The following SNAPC2 variants were observed in gnomAD, a reference collection of about 807,000 sequenced individuals.
SNAPC2 encodes snRNA-activating protein complex subunit 2.
A neutral mutation model predicts 22.9 loss-of-function variants in SNAPC2; 27 were observed. The ratio of observed to expected loss-of-function variants is 1.18; its 90% CI spans 0.87 to 1.63. The LOEUF (loss-of-function observed/expected upper bound fraction) is 1.63. SNAPC2 is among the 40% of genes most tolerant of loss of function. The pLI is 0.00. For synonymous variants in SNAPC2, 272 were observed against 201.0 expected (o/e 1.35, Z -2.99); for missense variants, 570 against 449.1 (o/e 1.27, Z -2.43).
rs370555599 is a variant in SNAPC2 at position 7,922,449 on chromosome 19, C to T, written c.690C>T (p.Ser230=). 40 of 1,586,236 alleles carry T rather than the reference C, an allele frequency of 2.5e-5. No individual in the cohort carries two copies. The highest frequency in any genetic ancestry group is 1.4e-4 in the Admixed American group (8 of 57,896). Residue 230 remains serine (S), a synonymous_variant, in exon 5 of 5, where the codon TCC becomes TCT. Transcript: ENST00000221573. ...CTCTCCTCCATCCATCACTAGAGTCCGCTGTGGTCCTCGACCTGCTCATGT... is the reference window on the plus strand; with the variant it reads ...CTCTCCTCCATCCATCACTAGAGTCTGCTGTGGTCCTCGACCTGCTCATGT... ...GRSPELSAAE[S]AVVLDLLMSL...
Position 7,922,366 on chromosome 19 carries a change from G to A in SNAPC2, c.685+19G>A. 1 of 1,608,220 alleles carries A rather than the reference G, an allele frequency of 6.2e-7. No homozygotes were observed. Among genetic ancestry groups the A allele is most frequent in the South Asian group, 1.1e-5 (1 of 90,280 alleles). On this transcript the variant is annotated intron_variant, in intron 4 of 4. Coordinates refer to ENST00000221573, the MANE Select transcript of SNAPC2 (RefSeq NM_003083.4). ...GCAGCTGGTGAGAAGGGTGAGGGAG[G>A]GGGCAGGAGCAGAGGGATCAAGGGT...
Position 7,922,321 on chromosome 19 carries a change from G to A in SNAPC2, c.659G>A (p.Gly220Asp). The A allele has an allele frequency of 6.2e-7, 1 of 1,613,732 alleles. No individual in the cohort carries two copies. Among genetic ancestry groups the A allele is most frequent in the South Asian group, 1.1e-5 (1 of 91,080 alleles). The change falls in exon 4 of 5, where the codon GGC becomes GAC. Residue 220 changes from glycine (G) to aspartate (D), a missense_variant. By Grantham distance (94) the Gly-to-Asp change is moderately conservative. Coordinates refer to ENST00000221573, the MANE Select transcript of SNAPC2 (RefSeq NM_003083.4). ...YKYLSSVSRS[G>D]RSPELSAAES... ...TACTTGTCCTCTGTCTCCCGAAGTGGCCGCAGCCCCGAGCTCTCAGCAGCT... is the reference window on the plus strand; with the variant it reads ...TACTTGTCCTCTGTCTCCCGAAGTGACCGCAGCCCCGAGCTCTCAGCAGCT...
chr19:7,922,462 G>C lies in SNAPC2; in HGVS notation c.703G>C (p.Asp235His). 1 of 1,592,580 alleles carries C rather than the reference G, an allele frequency of 6.3e-7. No homozygotes were observed. The highest frequency in any genetic ancestry group is 8.6e-7 in the Non-Finnish European group (1 of 1,166,714). ...ATCACTAGAGTCCGCTGTGGTCCTC[G>C]ACCTGCTCATGTCACTTCCAGAGGA... ...LSAAESAVVLDLLMSLPEELP... is the reference protein window; with the variant it reads ...LSAAESAVVLHLLMSLPEELP... Residue 235 changes from aspartate (D) to histidine (H), a missense_variant, in exon 5 of 5, where the codon GAC becomes CAC. By Grantham distance (81) the Asp-to-His change is moderately conservative. Transcript: ENST00000221573.
intron 1 of SNAPC2, chr19:7,921,076 G>A (rs546758836): frequency 6.7e-6 from 8 of 1,186,354 alleles, no homozygotes; most frequent in African/African-American, 3.2e-5. Context: ...TGCCGAGTCC[G>A]GGCGAAAAGC....
Position 7,920,549 on chromosome 19 carries a change from G to A in SNAPC2, c.183G>A (p.Glu61=), listed in dbSNP as rs1983527763. The change falls in exon 1 of 5, where the codon GAG becomes GAA. Residue 61 remains glutamate, a splice_region_variant and synonymous_variant. Coordinates refer to ENST00000221573, the MANE Select transcript of SNAPC2 (RefSeq NM_003083.4). ...ARELRGRSEA[E]IRVFLQQLKG... ...AGCTGCGGGGCCGGAGCGAGGCTGA[G>A]GTGAGATGCGGTTCTCGGGACCGGA... 3 of 1,376,280 alleles carry A rather than the reference G, an allele frequency of 2.2e-6. No individual in the cohort carries two copies. Among genetic ancestry groups the A allele is most frequent in the African/African-American group, 3.1e-5 (2 of 65,060 alleles). 85.3% of individuals were successfully genotyped at this position (1,376,280 alleles called of 1,614,324 possible). A position where few individuals can be genotyped will look rare whatever the true frequency, so the allele number is the denominator to read the frequency against.
Position 7,922,292 on chromosome 19 carries a change from C to G in SNAPC2, c.630C>G (p.Tyr210Ter). The G allele has an allele frequency of 6.2e-7, 1 of 1,614,010 alleles. No individual in the cohort carries two copies. Among genetic ancestry groups the G allele is most frequent in the Non-Finnish European group, 8.5e-7 (1 of 1,180,006 alleles). The change falls in exon 4 of 5, where the codon TAC (tyrosine) becomes TAG (stop). Residue 210 changes from tyrosine (Y) to a stop codon, truncating the protein, a stop_gained. Transcript: ENST00000221573. LOFTEE classifies it high-confidence loss of function. ...TTGCTGTGGACTTTGAGAAGATCTA[C>G]AAGTACTTGTCCTCTGTCTCCCGAA... ...EDFAVDFEKI[Y>*]KYLSSVSRSG... is the part of the protein sequence containing the mutation.
At chr19:7,920,661 AGC>A in intron 1 of SNAPC2, 112 bp downstream of exon 1, 2 of 348,738 alleles carry the variant, frequency 5.7e-6, no homozygotes, top group South Asian at 9.2e-5. Context: ...AATGTAAGCG[AGC>A]GGGGGCGTGG....
In SNAPC2 at chr19:7,921,529, C is replaced by T; in HGVS notation, c.290C>T (p.Pro97Leu). The change falls in exon 2 of 5, where the codon CCA becomes CTA. Residue 97 changes from proline to leucine, a missense_variant. Transcript: ENST00000221573. The stretch of plus-strand genomic sequence containing the variant: ...CCAAGGCGCCGGGAGGCACAGCCCC[C>T]AGCCCCCATAGAGGTGAGGCAGATG... Reference protein sequence around the residue: ...QGPRRREAQPPAPIEVWTDLA... With the variant: ...QGPRRREAQPLAPIEVWTDLA... 6.2e-7 allele frequency: 1 copy of T among 1,613,000 alleles called. No homozygotes were observed. Among genetic ancestry groups the T allele is most frequent in the Non-Finnish European group, 8.5e-7 (1 of 1,179,452 alleles).
Position 7,922,665 on chromosome 19 carries a change from C to G in SNAPC2, c.906C>G (p.Ser302Arg). 1 of 1,613,608 alleles carries G rather than the reference C, an allele frequency of 6.2e-7. No individual in the cohort carries two copies. Among genetic ancestry groups the G allele is most frequent in the African/African-American group, 1.3e-5 (1 of 75,028 alleles). The change falls in exon 5 of 5, where the codon AGC becomes AGG. Residue 302 changes from serine (S) to arginine (R), a missense_variant. Physicochemically the swap from Ser to Arg is moderately radical, Grantham distance 110. Coordinates refer to ENST00000221573, the MANE Select transcript of SNAPC2 (RefSeq NM_003083.4). ...CAGCCACCGAGAAGGCCGAGCACAG[C>G]GAACTGAAATCGCCTTGGCAAGCAG... is the stretch of plus-strand genomic sequence containing the variant. Reference protein sequence around the residue: ...TPPATEKAEHSELKSPWQAAG... With the variant: ...TPPATEKAEHRELKSPWQAAG...
rs201818402 is a variant in SNAPC2 at position 7,922,626 on chromosome 19, A to G, written c.867A>G (p.Pro289=). The change falls in exon 5 of 5, where the codon CCA becomes CCG. Residue 289 remains proline, a synonymous_variant. Transcript: ENST00000221573. ...GGGATGGGGCTGGCTCCAAGGCACC[A>G]GAGGAGACCCCCCCAGCCACCGAGA... The part of the protein sequence containing the change: ...AEGDGAGSKA[P]EETPPATEKA... 2 of 1,611,022 alleles carry G rather than the reference A, an allele frequency of 1.2e-6. No homozygotes were observed. The highest frequency in any genetic ancestry group is 3.3e-5 in the Admixed American group (2 of 59,760).
intron 1 of SNAPC2, 159 bp from the exon 2 acceptor site, chr19:7,921,264 G>C: frequency 7.0e-7 from 1 of 1,434,048 alleles, no homozygotes; most frequent in Non-Finnish European, 9.4e-7. Context: ...CTCTGGGTGG[G>C]GTAGGGGCCT....
intron 2 of SNAPC2, 29 bp from the exon 3 acceptor site, chr19:7,921,676 G>C (rs368642880): frequency 1.9e-6 from 3 of 1,612,524 alleles, no homozygotes; most frequent in Non-Finnish European, 2.5e-6. Context: ...TGATCCCTGG[G>C]CTGACCCTGT....
rs181191356 is a variant in SNAPC2, at chr19:7,923,095, G to T, written c.*331G>T. 8.9e-4 allele frequency: 277 copies of T among 312,944 alleles called. No individual in the cohort carries two copies. The highest frequency in any genetic ancestry group is 5.2e-3 in the African/African-American group (243 of 46,538). The allele number at this position is 312,944 out of a possible 1,614,324, so 19.4% of individuals were successfully genotyped here. A position where few individuals can be genotyped will look rare whatever the true frequency, so the allele number is the denominator to read the frequency against. The stretch of plus-strand genomic sequence containing the variant: ...CATAGCTGGCACTGCCCACCGTAAA[G>T]GCCCTCGCACATTTTCCCCCTTCCT... On this transcript the variant is annotated 3_prime_UTR_variant, in exon 5 of 5. Coordinates refer to ENST00000221573, the MANE Select transcript of SNAPC2 (RefSeq NM_003083.4).
At chr19:7,921,253 G>A in intron 1 of SNAPC2, 170 bp from the exon 2 acceptor site, 1 of 1,412,856 alleles carries the variant, frequency 7.1e-7, no homozygotes, top group Non-Finnish European at 9.4e-7. Flanking sequence ...AGCTGGTCAC[G>A]CTCTGGGTGG....
rs761191300 is a variant in SNAPC2, at chr19:7,922,461, C to T, written c.702C>T (p.Leu234=). Reference sequence around the variant, plus strand: ...CATCACTAGAGTCCGCTGTGGTCCTCGACCTGCTCATGTCACTTCCAGAGG... The same window carrying T: ...CATCACTAGAGTCCGCTGTGGTCCTTGACCTGCTCATGTCACTTCCAGAGG... The part of the protein sequence containing the change: ...ELSAAESAVV[L]DLLMSLPEEL... The change falls in exon 5 of 5, where the codon CTC becomes CTT. Residue 234 remains leucine, a synonymous_variant. Transcript: ENST00000221573. 23 of 1,591,490 alleles carry T rather than the reference C, an allele frequency of 1.4e-5. No individual in the cohort carries two copies. The highest frequency in any genetic ancestry group is 6.7e-5 in the East Asian group (3 of 44,564).
At position 7,922,736 on chromosome 19, in the gene SNAPC2, T is replaced by C. The variant is rs903591431; in HGVS notation, c.977T>C (p.Leu326Pro). ...CCGTTCCTGGTGCCCCTGGAGCTTC[T>C]GGGTCGGGCAGCCACCCCTGCCAGG... ...LNPFLVPLEL[L>P]GRAATPAR Residue 326 changes from leucine (L) to proline (P), a missense_variant, in exon 5 of 5, where the codon CTG becomes CCG. Leu to Pro is a moderately conservative substitution (Grantham distance 98). Transcript: ENST00000221573. 5 of 1,595,030 alleles carry C rather than the reference T, an allele frequency of 3.1e-6. No homozygotes were observed. The highest frequency in any genetic ancestry group is 4.3e-6 in the Non-Finnish European group (5 of 1,166,512).
At chr19:7,921,656 C>T (rs768570840) in intron 2 of SNAPC2, 49 bp from the exon 3 acceptor site, 3 of 1,608,732 alleles carry the variant, frequency 1.9e-6, no homozygotes, top group South Asian at 1.1e-5. Context: ...CTTGGGGGGC[C>T]ATTGCAGGCT....
chr19:7,921,683 C>T (rs754309207), intron 2 of SNAPC2, 22 bp from the exon 3 acceptor site: 4 of 1,613,004 alleles, frequency 2.5e-6, no homozygotes, highest in South Asian at 1.1e-5. Context: ...TGGGCTGACC[C>T]TGTACCTCTG....
chr19:7,921,269 G>T, intron 1 of SNAPC2, 154 bp from the exon 2 acceptor site: 1 of 1,441,974 alleles, frequency 6.9e-7, no homozygotes, highest in East Asian at 2.3e-5. Context: ...GGTGGGGTAG[G>T]GGCCTTGGCA....
Sources: allele counts gnomAD v4.1 joint callset, GRCh38; gene constraint gnomAD v4.1.1; transcripts MANE v1.5; gene names NCBI Gene and HGNC (gene_info 2026-07-23, HGNC 2026-07-21).